Variants in DLG2 observed in about 807,000 individuals in gnomAD.
The protein encoded by DLG2 is disks large homolog 2.
In DLG2, 45 loss-of-function variants were observed where a neutral mutation model predicts 132.5. That is an observed-to-expected ratio of 0.34 (90% CI 0.27 to 0.44). The LOEUF is 0.44. Ranked by LOEUF, DLG2 falls within the 20% of genes least tolerant of loss-of-function variation. The probability of loss-of-function intolerance (pLI) is 1.00; values close to 1 mark genes in which losing one functional copy is unlikely to be tolerated. For synonymous variants in DLG2, 424 were observed against 419.6 expected, an observed-to-expected ratio of 1.01 and a Z score of -0.13; for missense variants, 1,045 against 1,196.9, an observed-to-expected ratio of 0.87 and a Z score of 1.87.
chr11:84,394,741 C>G (rs569273386), intron 7 of DLG2, among the ~76,000 whole-genome samples: 10 of 152,170 alleles, frequency 6.6e-5, no homozygotes, highest in African/African-American at 2.4e-4. Flanking sequence ...CCTGCCTCAG[C>G]CTCCTAAGTA....
intron 4 of DLG2, among the ~76,000 whole-genome samples, chr11:85,212,873 GTCTC>G (rs2082337516): frequency 6.6e-6 from 1 of 152,102 alleles, no homozygotes; most frequent in African/African-American, 2.4e-5. Flanking sequence ...TACCTCAACT[GTCTC>G]TCTATGTCTT....
intron 3 of DLG2, among the ~76,000 whole-genome samples, chr11:85,306,634 G>A (rs1418347968): frequency 6.6e-6 from 1 of 152,090 alleles, no homozygotes; most frequent in African/African-American, 2.4e-5. Flanking sequence ...GCAGTGGTAC[G>A]ATCTTGGCTC....
At chr11:85,116,581 T>C (rs1214755093) in intron 5 of DLG2, among the ~76,000 whole-genome samples, 1 of 151,972 alleles carries the variant, frequency 6.6e-6, no homozygotes, top group Admixed American at 6.6e-5. Flanking sequence ...GAATTAGTTT[T>C]CTAATTTCCC....
rs552617466 is a variant in DLG2, at chr11:84,165,115, C to T, written c.574-1604G>A. Reference sequence around the variant, plus strand: ...GGACAATAGGGGAAGGCTGAATTAACGAGATACATTTTCATTCCCTCAGTA... The same window carrying T: ...GGACAATAGGGGAAGGCTGAATTAATGAGATACATTTTCATTCCCTCAGTA... On this transcript the variant is annotated intron_variant, in intron 8 of 27. Coordinates refer to ENST00000376104, the MANE Select transcript of DLG2 (RefSeq NM_001142699.3). 5.9e-5 allele frequency among the ~76,000 whole-genome samples: 9 copies of T among 152,236 alleles called. 1 individual carries two copies. In the South Asian group the frequency reaches 8.3e-4, roughly 14 times the overall value.
intron 9 of DLG2, among the ~76,000 whole-genome samples, chr11:84,128,608 A>G (rs961903383): frequency 6.6e-6 from 1 of 151,942 alleles, no homozygotes; most frequent in African/African-American, 2.4e-5. Flanking sequence ...TTTCTTTTAA[A>G]TTTTTTCGGT....
intron 8 of DLG2, among the ~76,000 whole-genome samples, chr11:84,167,957 C>G (rs889263638): frequency 6.6e-6 from 1 of 152,190 alleles, no homozygotes; most frequent in Non-Finnish European, 1.5e-5. Context: ...TGAGCCACCA[C>G]GCCTGGCCCA....
intron 12 of DLG2, among the ~76,000 whole-genome samples, chr11:83,973,426 A>G (rs921856335): frequency 6.6e-6 from 1 of 152,162 alleles, no homozygotes; most frequent in Non-Finnish European, 1.5e-5. Flanking sequence ...AAATTAGAAG[A>G]GAGTTCAAGA....
intron 6 of DLG2, among the ~76,000 whole-genome samples, chr11:84,537,635 A>G (rs2099358748): frequency 6.6e-6 from 1 of 152,134 alleles, no homozygotes. Context: ...ATAACTCCCT[A>G]GAGTCTCCAA....
intron 2 of DLG2, among the ~76,000 whole-genome samples, chr11:85,609,583 T>G (rs915541738): frequency 1.3e-5 from 2 of 152,214 alleles, no homozygotes; most frequent in Non-Finnish European, 2.9e-5. Flanking sequence ...CCCTCGTCCA[T>G]GTCTGCTATG....
chr11:85,245,206 G>A (rs2076074808), intron 4 of DLG2, among the ~76,000 whole-genome samples: 1 of 151,838 alleles, frequency 6.6e-6, no homozygotes, highest in African/African-American at 2.4e-5. Context: ...TAATAATTTG[G>A]CCATTTATAT....
chr11:85,456,774 T>C (rs928159691), intron 3 of DLG2, among the ~76,000 whole-genome samples: 7 of 152,194 alleles, frequency 4.6e-5, no homozygotes, highest in African/African-American at 1.4e-4. Context: ...AATTTTACGG[T>C]TTTGAGCAAT....
chr11:83,873,279 A>T (rs189946687), intron 16 of DLG2, among the ~76,000 whole-genome samples: 42 of 152,332 alleles, frequency 2.8e-4, no homozygotes, highest in Non-Finnish European at 4.9e-4. Context: ...TAGAAATAAA[A>T]TCAGGTAAGA....
chr11:83,791,334 C>A, intron 17 of DLG2: 2 of 669,276 alleles, frequency 3.0e-6, no homozygotes, highest in Non-Finnish European at 5.3e-6. Context: ...CAGAAAGCTG[C>A]CTTTTTAACG....
At chr11:84,893,218 T>C (rs578046501) in intron 6 of DLG2, among the ~76,000 whole-genome samples, 16 of 152,170 alleles carry the variant, frequency 1.1e-4, no homozygotes, top group Non-Finnish European at 1.8e-4. Flanking sequence ...GAGGAGCTTG[T>C]AGGATCAAGG....
chr11:85,155,071 T>G (rs1479019688), intron 4 of DLG2, among the ~76,000 whole-genome samples: 3 of 152,174 alleles, frequency 2.0e-5, no homozygotes, highest in East Asian at 3.8e-4. Flanking sequence ...TGCCTTTGCT[T>G]TGGGCTGTCT....
intron 7 of DLG2, among the ~76,000 whole-genome samples, chr11:84,505,229 G>T (rs1187211535): frequency 1.3e-5 from 2 of 152,036 alleles, no homozygotes; most frequent in African/African-American, 2.4e-5. Flanking sequence ...TTGGTATAAG[G>T]TATCATAATA....
intron 8 of DLG2, among the ~76,000 whole-genome samples, chr11:84,219,491 A>G (rs1319505395): frequency 6.6e-6 from 1 of 152,206 alleles, no homozygotes; most frequent in Non-Finnish European, 1.5e-5. Flanking sequence ...TTAAATTTAG[A>G]TTATTTTTTA....
At chr11:83,618,242 T>C (rs1292291333) in intron 19 of DLG2, among the ~76,000 whole-genome samples, 3 of 152,152 alleles carry the variant, frequency 2.0e-5, no homozygotes, top group Admixed American at 6.5e-5. Context: ...TTTTGGGAAA[T>C]ACAGTCATCT....
At chr11:84,132,422 A>G (rs1025102060) in intron 9 of DLG2, among the ~76,000 whole-genome samples, 18 of 151,966 alleles carry the variant, frequency 1.2e-4, no homozygotes, top group African/African-American at 3.6e-4. Flanking sequence ...TTGACTCCCT[A>G]TTATAGTCTC....
Sources: allele counts gnomAD v4.1 joint callset (sites outside exome capture counted in the v4.1 genomes callset), GRCh38; gene constraint gnomAD v4.1.1; transcripts MANE v1.5; gene names NCBI Gene and HGNC (gene_info 2026-07-23, HGNC 2026-07-21).